Variants in IST1 observed in about 807,000 individuals in gnomAD.
IST1 encodes the protein IST1 homolog.
In IST1, 23 loss-of-function variants were observed where a neutral mutation model predicts 37.0. That is an observed-to-expected ratio of 0.62 (90% CI 0.45 to 0.88). The LOEUF is 0.88. IST1 is among the 40% of genes least tolerant of loss of function. The pLI, the probability that IST1 is intolerant of heterozygous loss-of-function variation, is 0.00. For synonymous variants in IST1, 180 were observed against 161.7 expected (o/e 1.11, Z -0.86); for missense variants, 488 against 445.4 (o/e 1.10, Z -0.86).
At chr16:71,917,320 A>G (rs1597249595) in intron 4 of IST1, among the ~76,000 whole-genome samples, 186 bp downstream of exon 4, 1 of 152,018 alleles carries the variant, frequency 6.6e-6, no homozygotes, top group East Asian at 1.9e-4. Context: ...GTGTTTTGCA[A>G]ACTTGAGCAG....
chr16:71,919,862 T>G (rs1032530404), intron 4 of IST1, among the ~76,000 whole-genome samples: 1 of 152,240 alleles, frequency 6.6e-6, no homozygotes, highest in Non-Finnish European at 1.5e-5. Context: ...ATTATTTTGT[T>G]AGAAATGCTT....
intron 5 of IST1, 26 bp downstream of exon 5, chr16:71,920,848 A>C: frequency 6.5e-7 from 1 of 1,530,984 alleles, no homozygotes; most frequent in Non-Finnish European, 9.1e-7. Context: ...GGTAAACATG[A>C]AGGCAGTGTG....
At chr16:71,899,761 C>T (rs575719921) in intron 1 of IST1, among the ~76,000 whole-genome samples, 2 of 148,768 alleles carry the variant, frequency 1.3e-5, no homozygotes, top group Non-Finnish European at 3.0e-5. Flanking sequence ...TGGTGGCTAA[C>T]GCCTGTAATC....
intron 1 of IST1, among the ~76,000 whole-genome samples, chr16:71,899,070 A>G (rs1406070583): frequency 6.6e-6 from 1 of 151,906 alleles, no homozygotes; most frequent in African/African-American, 2.4e-5. Context: ...TACTTTCTTT[A>G]TGCCTGTGCA....
intron 1 of IST1, among the ~76,000 whole-genome samples, chr16:71,900,921 A>C (rs573250679): frequency 6.6e-6 from 1 of 152,352 alleles, no homozygotes; most frequent in East Asian, 1.9e-4. Flanking sequence ...ATGACAGTAA[A>C]GATGTTGAAG....
At chr16:71,925,679 C>T (rs2037725450) in intron 9 of IST1, among the ~76,000 whole-genome samples, 1 of 149,886 alleles carries the variant, frequency 6.7e-6, no homozygotes, top group Admixed American at 6.6e-5. Flanking sequence ...AAGTACTGGC[C>T]AGGTGTGGTG....
At chr16:71,913,291 ATAG>A (rs2037398649) in intron 1 of IST1, among the ~76,000 whole-genome samples, 1 of 148,402 alleles carries the variant, frequency 6.7e-6, no homozygotes, top group Non-Finnish European at 1.5e-5. Context: ...TTTTTTTTTG[ATAG>A]TAGCCATCCT....
At chr16:71,921,715 A>C in intron 6 of IST1, 1 of 377,096 alleles carries the variant, frequency 2.7e-6, no homozygotes, top group East Asian at 5.4e-5. Context: ...GAACTTCAGG[A>C]ATTGAGAAAC....
chr16:71,904,686 G>T (rs527821197), intron 1 of IST1, among the ~76,000 whole-genome samples: 2 of 152,280 alleles, frequency 1.3e-5, no homozygotes, highest in African/African-American at 4.8e-5. Context: ...TGGGCTTACG[G>T]CATGAGCCAC....
intron 9 of IST1, among the ~76,000 whole-genome samples, chr16:71,925,541 C>G (rs2037721762): frequency 6.6e-6 from 1 of 151,592 alleles, no homozygotes; most frequent in Non-Finnish European, 1.5e-5. Flanking sequence ...GTCTTGAACT[C>G]CTGACCTTGT....
At chr16:71,908,212 G>A (rs1438063602) in intron 1 of IST1, among the ~76,000 whole-genome samples, 1 of 151,300 alleles carries the variant, frequency 6.6e-6, no homozygotes, top group Non-Finnish European at 1.5e-5. Context: ...AAAGTGCTGG[G>A]ATTAGAGGCG....
chr16:71,920,858 G>A lies in IST1; in HGVS notation c.441+36G>A. Reference sequence around the variant, plus strand: ...TACTTGGTAAACATGAAGGCAGTGTGTGGGAGCAGTTTATTGTACTGCTTG... The same window carrying A: ...TACTTGGTAAACATGAAGGCAGTGTATGGGAGCAGTTTATTGTACTGCTTG... On this transcript the variant is annotated intron_variant, in intron 5 of 9. Transcript: ENST00000378799. The A allele has an allele frequency of 2.1e-6, 3 of 1,451,954 alleles. 1 individual carries two copies. The South Asian group carries it at 3.4e-5, about 17-fold the overall frequency. 89.9% of individuals were successfully genotyped at this position (1,451,954 alleles called of 1,614,324 possible). A position where few individuals can be genotyped will look rare whatever the true frequency, so the allele number is the denominator to read the frequency against.
At chr16:71,922,386 T>G in intron 6 of IST1, 88 bp from the exon 7 acceptor site, 1 of 1,098,082 alleles carries the variant, frequency 9.1e-7, no homozygotes, top group Non-Finnish European at 1.4e-6. Context: ...TAAACTTGCT[T>G]TATGCTAATC....
chr16:71,895,673 A>G, intron 1 of IST1, 84 bp downstream of exon 1: 1 of 496,446 alleles, frequency 2.0e-6, no homozygotes, highest in Non-Finnish European at 2.6e-6. Context: ...AGTTAGCGCT[A>G]GGGCCCGGGA....
At chr16:71,909,228 C>A (rs1260110993) in intron 1 of IST1, among the ~76,000 whole-genome samples, 1 of 151,750 alleles carries the variant, frequency 6.6e-6, no homozygotes, top group Admixed American at 6.6e-5. Context: ...CCACCTCACC[C>A]TTGCAAGTAG....
At chr16:71,907,734 C>G (rs917607631) in intron 1 of IST1, among the ~76,000 whole-genome samples, 1 of 152,114 alleles carries the variant, frequency 6.6e-6, no homozygotes, top group Admixed American at 6.5e-5. Context: ...TGTCCTGGCT[C>G]TTTTCTCTGT....
chr16:71,912,206 T>A (rs549833801), intron 1 of IST1, among the ~76,000 whole-genome samples: 2 of 152,264 alleles, frequency 1.3e-5, no homozygotes, highest in African/African-American at 4.8e-5. Flanking sequence ...TAATTTTATG[T>A]CTCTTCTTAA....
At chr16:71,922,850 GTCT>G (rs2037639370) in intron 7 of IST1, 170 bp downstream of exon 7, 3 of 630,276 alleles carry the variant, frequency 4.8e-6, no homozygotes, top group Admixed American at 2.8e-5. Context: ...TTCAGAGAAG[GTCT>G]TCTAGTTCAG....
At chr16:71,913,278 CT>C (rs112350785) in intron 1 of IST1, among the ~76,000 whole-genome samples, 67 of 145,698 alleles carry the variant, frequency 4.6e-4, no homozygotes, top group East Asian at 2.0e-3. Context: ...TTGAAATTTT[CT>C]TTTTTTTTTT....
Sources: allele counts gnomAD v4.1 joint callset (sites outside exome capture counted in the v4.1 genomes callset), GRCh38; gene constraint gnomAD v4.1.1; transcripts MANE v1.5; gene names NCBI Gene and HGNC (gene_info 2026-07-23, HGNC 2026-07-21).